The following PTK2 variants were observed in gnomAD, a reference collection of about 807,000 sequenced individuals.
PTK2 encodes the protein protein tyrosine kinase 2, also known as focal adhesion kinase 1.
In PTK2, 45 loss-of-function variants were observed where a neutral mutation model predicts 150.1. That is an observed-to-expected ratio of 0.30 (90% CI 0.24 to 0.38). PTK2 has a LOEUF of 0.38. PTK2 is among the 10% of genes least tolerant of loss of function. The probability of loss-of-function intolerance (pLI) is 1.00; values close to 1 mark genes in which losing one functional copy is unlikely to be tolerated. For missense variants in PTK2, 919 were observed against 1,307.3 expected (o/e 0.70, Z 4.58); for synonymous variants, 432 against 449.2 (o/e 0.96, Z 0.48).
At chr8:140,833,448 T>A (rs1399819031) in intron 7 of PTK2, among the ~76,000 whole-genome samples, 1 of 152,184 alleles carries the variant, frequency 6.6e-6, no homozygotes, top group Non-Finnish European at 1.5e-5. Context: ...AGGTACTATG[T>A]TCAAAGTTTT....
chr8:140,936,256 C>A (rs2100173585), intron 1 of PTK2, among the ~76,000 whole-genome samples: 1 of 152,134 alleles, frequency 6.6e-6, no homozygotes. Flanking sequence ...GAAGCAGGAT[C>A]AATGAACACT....
chr8:140,771,779 A>T (rs946437028), intron 14 of PTK2, among the ~76,000 whole-genome samples: 24 of 135,040 alleles, frequency 1.8e-4, no homozygotes, highest in African/African-American at 4.7e-4. Context: ...TCCTATTAAC[A>T]TTTTTTTTTT....
chr8:140,785,916 G>A (rs2100084686), intron 14 of PTK2, among the ~76,000 whole-genome samples: 1 of 152,134 alleles, frequency 6.6e-6, no homozygotes. Flanking sequence ...TACATGTGCA[G>A]GTTTACTGTC....
At chr8:140,978,615 G>A (rs1467210117) in intron 1 of PTK2, among the ~76,000 whole-genome samples, 2 of 151,224 alleles carry the variant, frequency 1.3e-5, no homozygotes, top group Non-Finnish European at 1.5e-5. Flanking sequence ...GAAACAACAG[G>A]TGCTGGAGAG....
chr8:140,730,107 A>T (rs372337391), intron 22 of PTK2, among the ~76,000 whole-genome samples: 2 of 152,308 alleles, frequency 1.3e-5, no homozygotes, highest in South Asian at 2.1e-4. Flanking sequence ...AAATATTCCT[A>T]AAGAGCTCAA....
intron 1 of PTK2, among the ~76,000 whole-genome samples, chr8:140,997,080 C>A (rs1407494955): frequency 6.6e-6 from 1 of 152,120 alleles, no homozygotes; most frequent in African/African-American, 2.4e-5. Context: ...TTGCTTCCAA[C>A]CGTCATGGAT....
At chr8:140,999,880 A>G (rs2100199314) in intron 1 of PTK2, among the ~76,000 whole-genome samples, 1 of 152,104 alleles carries the variant, frequency 6.6e-6, no homozygotes, top group Non-Finnish European at 1.5e-5. Flanking sequence ...AAACTCTTGC[A>G]CTGCCTTCAG....
At chr8:140,691,087 T>C (rs945110264) in intron 26 of PTK2, among the ~76,000 whole-genome samples, 3 of 152,074 alleles carry the variant, frequency 2.0e-5, no homozygotes, top group Non-Finnish European at 4.4e-5. Context: ...ATTTTCAAAA[T>C]CCCTCATAAA....
At chr8:140,918,165 C>T (rs2100166042) in intron 2 of PTK2, among the ~76,000 whole-genome samples, 1 of 152,072 alleles carries the variant, frequency 6.6e-6, no homozygotes, top group African/African-American at 2.4e-5. Context: ...TAGGAAGGTG[C>T]AACAGAAGGT....
At chr8:140,777,492 C>T (rs1452061929) in intron 14 of PTK2, among the ~76,000 whole-genome samples, 2 of 152,242 alleles carry the variant, frequency 1.3e-5, no homozygotes, top group African/African-American at 4.8e-5. Flanking sequence ...CACCAGGCCC[C>T]ACCTCCAAAA....
rs188321848 is a variant in PTK2, at chr8:140,665,340, C to G, written c.2866-343G>C. Among the ~76,000 whole-genome samples the G allele has an allele frequency of 3.9e-3, 591 of 152,236 alleles. 3 individuals are homozygous for G. Among genetic ancestry groups the G allele is most frequent in the African/African-American group, 0.014 (565 of 41,526 alleles). ...ACCCTCCTGGCTCCAACTGCCAACCCTGCCAACACAGGTTAGGATAAATAG... is the reference window on the plus strand; with the variant it reads ...ACCCTCCTGGCTCCAACTGCCAACCGTGCCAACACAGGTTAGGATAAATAG... On this transcript the variant is annotated intron_variant, in intron 30 of 31. Transcript: ENST00000522684.
At chr8:140,681,536 C>A (rs764008156) in intron 27 of PTK2, among the ~76,000 whole-genome samples, 7 of 151,272 alleles carry the variant, frequency 4.6e-5, no homozygotes, top group Admixed American at 3.9e-4. Context: ...CTTTGGGAGG[C>A]GGAGGCGGGC....
chr8:140,980,195 T>C (rs1035469970), intron 1 of PTK2, among the ~76,000 whole-genome samples: 5 of 152,196 alleles, frequency 3.3e-5, no homozygotes, highest in Non-Finnish European at 7.3e-5. Context: ...CCATCAATTG[T>C]AGGCTAGATT....
chr8:140,811,451 C>A (rs908085851), intron 10 of PTK2, among the ~76,000 whole-genome samples: 3 of 152,132 alleles, frequency 2.0e-5, no homozygotes, highest in African/African-American at 7.2e-5. Context: ...GAAACGTTGG[C>A]CCAAAAGATG....
At chr8:140,999,350 G>A (rs1261027430) in intron 1 of PTK2, among the ~76,000 whole-genome samples, 1 of 152,182 alleles carries the variant, frequency 6.6e-6, no homozygotes, top group Non-Finnish European at 1.5e-5. Context: ...ATTTGATAGT[G>A]ACCTGAAATT....
At chr8:140,880,650 A>G (rs1482204959) in intron 3 of PTK2, among the ~76,000 whole-genome samples, 1 of 152,196 alleles carries the variant, frequency 6.6e-6, no homozygotes, top group Admixed American at 6.5e-5. Context: ...AAGCTATAAT[A>G]CAACTTGTTA....
chr8:140,902,925 T>TTTTTTG (rs1491358640), intron 2 of PTK2, among the ~76,000 whole-genome samples: 11 of 27,846 alleles, frequency 4.0e-4, no homozygotes, highest in Non-Finnish European at 5.7e-4. Flanking sequence ...ATGAGAGTTG[T>TTTTTTG]TTTTTTTTTT....
intron 2 of PTK2, among the ~76,000 whole-genome samples, chr8:140,911,532 G>C (rs2100163154): frequency 6.6e-6 from 1 of 152,034 alleles, no homozygotes; most frequent in Non-Finnish European, 1.5e-5. Context: ...GATTTTAATA[G>C]TATAATTTAT....
intron 1 of PTK2, among the ~76,000 whole-genome samples, chr8:140,994,017 ACCGCACCCCAC>A (rs1397883269): frequency 1.3e-5 from 2 of 152,218 alleles, no homozygotes; most frequent in African/African-American, 4.8e-5. Context: ...GGTGTGAGTT[ACCGCACCCCAC>A]CCAAAGGTAT....
Sources: gnomAD v4.1 joint callset for allele counts (sites outside exome capture counted in the v4.1 genomes callset) on GRCh38, gnomAD v4.1.1 for gene constraint, MANE v1.5 for transcripts, NCBI Gene and HGNC (gene_info 2026-07-23, HGNC 2026-07-21) for gene names.